Variants in POLR2F observed in about 807,000 individuals in gnomAD.
POLR2F encodes RNA polymerase II, I and III subunit F.
A neutral mutation model predicts 22.7 loss-of-function variants in POLR2F; 12 were observed. The ratio of observed to expected loss-of-function variants is 0.53; its 90% confidence interval spans 0.34 to 0.86. The LOEUF is 0.86. Ranked by LOEUF, POLR2F falls within the 40% of genes least tolerant of loss-of-function variation. The pLI is 0.02. For missense variants in POLR2F, 126 were observed against 171.5 expected (o/e 0.73, Z 1.48); for synonymous variants, 57 against 66.0 (o/e 0.86, Z 0.66).
intron 3 of POLR2F, among the ~76,000 whole-genome samples, chr22:37,965,245 G>T (rs573722499): frequency 2.0e-5 from 3 of 152,194 alleles, no homozygotes; most frequent in Non-Finnish European, 4.4e-5. Context: ...GACCTCAGGT[G>T]ATTCACCTGT....
At position 37,986,682 on chromosome 22, in the gene POLR2F, G is replaced by T. The variant is rs904711476; in HGVS notation, c.120+370G>T. ...GCTGGGCTTTTTGCTGAGCAGTGTT[G>T]GGTGAGGCAGGTGGGCCTGCAGGGC... On this transcript the variant is annotated intron_variant, in intron 1 of 2. Coordinates refer to the POLR2F transcript ENST00000333418. This position sits in a 1 kb window ranked among gnomAD's most constrained non-coding sequence, Gnocchi z 4.7. 1.3e-5 allele frequency: 7 copies of T among 548,086 alleles called. No individual in the cohort carries two copies. The highest frequency in any genetic ancestry group is 1.1e-4 in the African/African-American group (6 of 53,664). 34.0% of individuals were successfully genotyped at this position (548,086 alleles called of 1,614,324 possible). A position where few individuals can be genotyped will look rare whatever the true frequency, so the allele number is the denominator to read the frequency against.
chr22:37,968,966 G>A lies in POLR2F; in HGVS notation c.*1251G>A. The A allele has an allele frequency of 1.0e-6, 1 of 985,480 alleles. No individual in the cohort carries two copies. The highest frequency in any genetic ancestry group is 1.2e-6 in the Non-Finnish European group (1 of 829,940). 61.0% of individuals were successfully genotyped at this position (985,480 alleles called of 1,614,324 possible). A position where few individuals can be genotyped will look rare whatever the true frequency, so the allele number is the denominator to read the frequency against. ...CAAGCCTGTGGAATCCTTTAATCAA[G>A]TTGGGTGCTGAAATTTCAGCTCTGA... is the stretch of plus-strand genomic sequence containing the variant. On this transcript the variant is annotated 3_prime_UTR_variant, in exon 5 of 5. Transcript: ENST00000442738.
At chr22:38,011,100 T>C (rs1467114639) in intron 1 of POLR2F, among the ~76,000 whole-genome samples, 1 of 152,156 alleles carries the variant, frequency 6.6e-6, no homozygotes, top group South Asian at 2.1e-4. Context: ...TTTGGGGCTA[T>C]GATCTGTTTC....
Position 37,968,489 on chromosome 22 carries a change from G to T in POLR2F, c.*774G>T. 1 of 986,102 alleles carries T rather than the reference G, an allele frequency of 1.0e-6. No homozygotes were observed. The allele number at this position is 986,102 out of a possible 1,614,324, so 61.1% of individuals were successfully genotyped here. On this transcript the variant is annotated 3_prime_UTR_variant, in exon 5 of 5. Transcript: ENST00000442738. ...GATCCCCTGAGGCCTTGGGGACATG[G>T]TGCTGGGGTGGTGGTGCTCCTGGGT... is the stretch of plus-strand genomic sequence containing the variant.
chr22:38,002,430 T>C (rs2084779737), intron 1 of POLR2F, among the ~76,000 whole-genome samples: 1 of 152,124 alleles, frequency 6.6e-6, no homozygotes. Flanking sequence ...ACAAGAGTCT[T>C]ATAAAGTGTC....
At chr22:37,962,134 C>T (rs944885748) in intron 3 of POLR2F, among the ~76,000 whole-genome samples, 58 of 152,018 alleles carry the variant, frequency 3.8e-4, no homozygotes, top group Middle Eastern at 3.4e-3. Flanking sequence ...GGGAGGCTGA[C>T]GTGGGAGGAT....
rs762176423 is a variant in POLR2F, at chr22:37,953,710, C to A, written c.-78C>A. The A allele has an allele frequency of 5.2e-6, 8 of 1,537,744 alleles. No individual in the cohort carries two copies. Among genetic ancestry groups the A allele is most frequent in the Non-Finnish European group, 7.0e-6 (8 of 1,136,400 alleles). On this transcript the variant is annotated 5_prime_UTR_variant, in exon 1 of 5. Coordinates refer to ENST00000442738, the MANE Select transcript of POLR2F (RefSeq NM_021974.5). The stretch of plus-strand genomic sequence containing the variant: ...CGCAGGCGCAAGATAAGCTAGGAGC[C>A]GCGCGAGTCGTAGTGTCGCTGTTTG...
Position 37,986,867 on chromosome 22 carries a change from A to G in POLR2F, c.120+555A>G. 2.2e-6 allele frequency: 1 copy of G among 452,694 alleles called. No homozygotes were observed. Among genetic ancestry groups the G allele is most frequent in the Non-Finnish European group, 4.5e-6 (1 of 224,066 alleles). The allele number at this position is 452,694 out of a possible 1,614,324, so 28.0% of individuals were successfully genotyped here. A position where few individuals can be genotyped will look rare whatever the true frequency, so the allele number is the denominator to read the frequency against. On this transcript the variant is annotated intron_variant, in intron 1 of 2. Transcript: ENST00000333418. The surrounding 1 kb of genome is among the most constrained non-coding windows in gnomAD (Gnocchi z 4.7). ...TCCAGCAGGCAAGGGTGAAGGACCC[A>G]TAGTCATTCCTGAAGAGCAGGGAGC...
downstream of POLR2F, among the ~76,000 whole-genome samples, chr22:37,969,541 T>C (rs1003739634): frequency 2.6e-5 from 4 of 152,196 alleles, no homozygotes; most frequent in East Asian, 5.8e-4. Flanking sequence ...ATGTGGGGTC[T>C]TGGAGGTGAT....
At chr22:37,983,734 C>A, upstream of POLR2F, 2 of 1,483,736 alleles carry the variant, frequency 1.3e-6, no homozygotes, top group South Asian at 1.3e-5. This position sits in a 1 kb window ranked among gnomAD's most constrained non-coding sequence, Gnocchi z 9.5. Flanking sequence ...GGGGCTCCTC[C>A]GAGCCCACGG....
At chr22:38,035,841 C>T (rs2085110768) in intron 5 of POLR2F, among the ~76,000 whole-genome samples, 1 of 152,196 alleles carries the variant, frequency 6.6e-6, no homozygotes, top group African/African-American at 2.4e-5. Flanking sequence ...CCTTCCTGCC[C>T]CCAAAGGGCA....
intron 1 of POLR2F, among the ~76,000 whole-genome samples, chr22:38,010,033 C>T (rs2084857385): frequency 6.6e-6 from 1 of 152,100 alleles, no homozygotes; most frequent in Non-Finnish European, 1.5e-5. Flanking sequence ...AGATAAATAG[C>T]CATGAGTGGA....
chr22:37,989,566 C>T (rs1389766794), intron 1 of POLR2F, among the ~76,000 whole-genome samples: 2 of 152,226 alleles, frequency 1.3e-5, no homozygotes, highest in Non-Finnish European at 2.9e-5. Flanking sequence ...ACTCTAGGGC[C>T]TCCCCAGGTG....
intron 5 of POLR2F, among the ~76,000 whole-genome samples, chr22:38,035,007 C>G (rs530303931): frequency 1.3e-5 from 2 of 148,236 alleles, no homozygotes; most frequent in Non-Finnish European, 3.0e-5. Flanking sequence ...TTGTGCTGGT[C>G]CTTCCACCTA....
chr22:37,978,305 G>A lies in POLR2F; in HGVS notation c.293+11135G>A, dbSNP rs1209571406. 6.6e-6 allele frequency among the ~76,000 whole-genome samples: 1 copy of A among 152,234 alleles called. No homozygotes were observed. Reference sequence around the variant, plus strand: ...GGCTGTGCCCTATGATTTGTGGACTGAGAGATGTGAGGCCCAAGGAATAAC... The same window carrying A: ...GGCTGTGCCCTATGATTTGTGGACTAAGAGATGTGAGGCCCAAGGAATAAC... On this transcript the variant is annotated intron_variant, in intron 4 of 4. Coordinates refer to the POLR2F transcript ENST00000405557. This position sits in a 1 kb window ranked among gnomAD's most constrained non-coding sequence, Gnocchi z 5.0.
intron 3 of POLR2F, among the ~76,000 whole-genome samples, chr22:37,960,421 G>C (rs1569162580): frequency 6.6e-6 from 1 of 151,640 alleles, no homozygotes. Flanking sequence ...TCTTTGAGAT[G>C]GAGTCTCGCT....
In POLR2F at chr22:38,031,744, C is replaced by T. The variant is rs1386375196; in HGVS notation, c.453-9324C>T. On this transcript the variant is annotated intron_variant, in intron 5 of 5. Coordinates refer to the POLR2F transcript ENST00000407936. The surrounding 1 kb of genome is among the most constrained non-coding windows in gnomAD (Gnocchi z 4.1). ...GAGTCCATGTCTCAAACCCGCGTCA[C>T]CATGCTGCCCCCAGACCAACCCCTC... Among the ~76,000 whole-genome samples, 7 of 152,172 alleles carry T rather than the reference C, an allele frequency of 4.6e-5. No individual in the cohort carries two copies. Among genetic ancestry groups the T allele is most frequent in the Non-Finnish European group, 8.8e-5 (6 of 68,024 alleles).
At chr22:37,984,037 CTG>C (rs1057300975), upstream of POLR2F, among the ~76,000 whole-genome samples, 72 of 152,270 alleles carry the variant, frequency 4.7e-4, no homozygotes, top group African/African-American at 1.6e-3. This position sits in a 1 kb window ranked among gnomAD's most constrained non-coding sequence, Gnocchi z 4.4. Context: ...CGTCCCGCCT[CTG>C]TGTCTTCCCA....
At chr22:38,020,347 C>T (rs2084950751) in intron 1 of POLR2F, among the ~76,000 whole-genome samples, 1 of 151,950 alleles carries the variant, frequency 6.6e-6, no homozygotes, top group Non-Finnish European at 1.5e-5. Flanking sequence ...TCACTGCAAC[C>T]TCCTCCTCCC....
Sources: allele counts gnomAD v4.1 joint callset (sites outside exome capture counted in the v4.1 genomes callset), GRCh38; gene constraint gnomAD v4.1.1; non-coding constraint Gnocchi (gnomAD v3.1); transcripts MANE v1.5; gene names NCBI Gene and HGNC (gene_info 2026-07-23, HGNC 2026-07-21).